Variants in C6 observed in about 807,000 individuals in gnomAD.
The protein encoded by C6 is complement component C6.
C6 carries 101 observed loss-of-function variants against 112.9 expected under a neutral mutation model. That is an observed-to-expected ratio of 0.89 (90% CI 0.76 to 1.06). The LOEUF (loss-of-function observed/expected upper bound fraction) is 1.06. Ranked by LOEUF, C6 falls within the 50% of genes least tolerant of loss-of-function variation. C6 has a pLI of 0.00. For missense variants in C6, 1,202 were observed against 1,104.6 expected, an observed-to-expected ratio of 1.09 and a Z score of -1.25; for synonymous variants, 431 against 384.1, an observed-to-expected ratio of 1.12 and a Z score of -1.43.
chr5:41,196,159 T>C (rs535856248), intron 4 of C6, among the ~76,000 whole-genome samples: 1 of 152,052 alleles, frequency 6.6e-6, no homozygotes, highest in Non-Finnish European at 1.5e-5. Context: ...CTGATTGTCT[T>C]TAAAAAGAGA....
At chr5:41,191,201 G>T (rs1750180787) in intron 5 of C6, among the ~76,000 whole-genome samples, 1 of 150,814 alleles carries the variant, frequency 6.6e-6, no homozygotes, top group Non-Finnish European at 1.5e-5. Flanking sequence ...CAAGTAGCTG[G>T]GACTACAGAT....
intron 15 of C6, 64 bp downstream of exon 15, chr5:41,153,746 G>T: frequency 8.3e-7 from 1 of 1,203,168 alleles, no homozygotes. Context: ...GGCTATAGAG[G>T]CTATACTACC....
At chr5:41,241,356 C>T (rs1262669379) in intron 1 of C6, among the ~76,000 whole-genome samples, 4 of 152,170 alleles carry the variant, frequency 2.6e-5, no homozygotes, top group Non-Finnish European at 5.9e-5. Flanking sequence ...CTTATATAAG[C>T]TGGCGCTAGC....
At chr5:41,144,542 C>T (rs938492562) in intron 17 of C6, among the ~76,000 whole-genome samples, 1 of 152,204 alleles carries the variant, frequency 6.6e-6, no homozygotes, top group East Asian at 1.9e-4. Context: ...GCTGGGATTA[C>T]AGGCGTGGAC....
At chr5:41,203,415 A>G (rs1751188905) in intron 1 of C6, among the ~76,000 whole-genome samples, 165 bp from the exon 2 acceptor site, 1 of 152,148 alleles carries the variant, frequency 6.6e-6, no homozygotes, top group Non-Finnish European at 1.5e-5. Flanking sequence ...GTGAGTACAA[A>G]TCCTATTTTT....
intron 1 of C6, among the ~76,000 whole-genome samples, chr5:41,247,324 G>A (rs534825846): frequency 7.9e-5 from 12 of 152,144 alleles, no homozygotes; most frequent in South Asian, 4.1e-4. Flanking sequence ...CTGGAATGAC[G>A]TCAGTAAAAT....
intron 1 of C6, among the ~76,000 whole-genome samples, chr5:41,255,019 C>T (rs1318844636): frequency 1.3e-5 from 2 of 152,088 alleles, no homozygotes; most frequent in South Asian, 2.1e-4. Flanking sequence ...ATCAACTTCC[C>T]AGAGAACAAA....
chr5:41,237,113 A>ACCAGAT (rs1740371670), intron 1 of C6, among the ~76,000 whole-genome samples: 1 of 118,232 alleles, frequency 8.5e-6, no homozygotes, highest in Admixed American at 9.2e-5. Flanking sequence ...AGAGTCCATG[A>ACCAGAT]CCAGATGGAT....
At chr5:41,246,925 A>T (rs1042281120) in intron 1 of C6, among the ~76,000 whole-genome samples, 1 of 152,232 alleles carries the variant, frequency 6.6e-6, no homozygotes, top group Non-Finnish European at 1.5e-5. Context: ...TAATAAATTT[A>T]TATGGTTATA....
At chr5:41,189,270 C>G (rs1041620093) in intron 5 of C6, among the ~76,000 whole-genome samples, 3 of 151,924 alleles carry the variant, frequency 2.0e-5, no homozygotes, top group African/African-American at 7.2e-5. Context: ...AATTCCATTC[C>G]TAAGTATATA....
chr5:41,205,426 G>A lies in C6; in HGVS notation c.-20-2176C>T, dbSNP rs531259272. The stretch of plus-strand genomic sequence containing the variant: ...GTGAGCTGAAGAAGGGCGGGACATC[G>A]CCTCACCTGGGATGTGCAAGGGGTC... On this transcript the variant is annotated intron_variant, in intron 1 of 17. Transcript: ENST00000337836. Among the ~76,000 whole-genome samples, 16 of 152,312 alleles carry A rather than the reference G, an allele frequency of 1.1e-4. No individual in the cohort carries two copies. In the South Asian group the frequency reaches 1.7e-3, roughly 16 times the overall value.
intron 1 of C6, among the ~76,000 whole-genome samples, chr5:41,203,949 A>G (rs1285107566): frequency 6.6e-6 from 1 of 152,200 alleles, no homozygotes; most frequent in Non-Finnish European, 1.5e-5. Context: ...TTACTGCAGT[A>G]TCAAGATGCC....
intron 1 of C6, among the ~76,000 whole-genome samples, chr5:41,252,338 G>A (rs1741414709): frequency 1.3e-5 from 2 of 152,224 alleles, no homozygotes; most frequent in South Asian, 4.1e-4. Context: ...GGATCTCAAA[G>A]AAAAATTAGT....
At chr5:41,178,442 ATTTTC>A (rs147443868) in intron 7 of C6, among the ~76,000 whole-genome samples, 2,763 of 120,258 alleles carry the variant, frequency 0.023, 87 homozygotes, top group African/African-American at 0.08. Context: ...CTTCAGTAGT[ATTTTC>A]TTTTTTCTTT....
intron 4 of C6, 102 bp downstream of exon 4, chr5:41,199,666 G>A: frequency 8.8e-7 from 1 of 1,138,602 alleles, no homozygotes; most frequent in South Asian, 1.2e-5. Context: ...AAAATGTGGT[G>A]GGATTTCTCT....
At chr5:41,167,461 T>G (rs968967451) in intron 9 of C6, among the ~76,000 whole-genome samples, 1 of 152,100 alleles carries the variant, frequency 6.6e-6, no homozygotes, top group African/African-American at 2.4e-5. Flanking sequence ...ATGTGGTAAC[T>G]AAAATATAGA....
At chr5:41,215,449 G>C (rs1298252857), upstream of C6, among the ~76,000 whole-genome samples, 1 of 152,174 alleles carries the variant, frequency 6.6e-6, no homozygotes, top group Admixed American at 6.6e-5. Context: ...CTGACTCTGT[G>C]CATGCAAAGA....
chr5:41,218,705 T>A (rs754626118), intron 1 of C6, among the ~76,000 whole-genome samples: 1 of 152,120 alleles, frequency 6.6e-6, no homozygotes, highest in Non-Finnish European at 1.5e-5. Flanking sequence ...TCATTCGGAT[T>A]TCATGTGCCA....
rs563382678 is a variant in C6 at position 41,244,826 on chromosome 5, A to G, written c.-21+16368T>C. On this transcript the variant is annotated intron_variant, in intron 1 of 17. Coordinates refer to the C6 transcript ENST00000263413. The stretch of plus-strand genomic sequence containing the variant: ...ATCAGGATATTACCTTATCTTCTTA[A>G]TTTTCTGAGAGTTTTAAATCATGAA... Among the ~76,000 whole-genome samples, 76 of 152,238 alleles carry G rather than the reference A, an allele frequency of 5.0e-4. No individual in the cohort carries two copies. In the South Asian group the frequency reaches 6.2e-3, roughly 12 times the overall value.
Sources: gnomAD v4.1 joint callset for allele counts (sites outside exome capture counted in the v4.1 genomes callset) on GRCh38, gnomAD v4.1.1 for gene constraint, MANE v1.5 for transcripts, NCBI Gene and HGNC (gene_info 2026-07-23, HGNC 2026-07-21) for gene names.